Variants in PSD3 observed in about 807,000 individuals in gnomAD.
PSD3 encodes the protein PH and SEC7 domain-containing protein 3.
Under a neutral mutation model 105.5 loss-of-function variants are expected in PSD3, and 49 were observed. The ratio of observed to expected loss-of-function variants is 0.46; its 90% CI spans 0.37 to 0.59. PSD3 has a LOEUF of 0.59. Ranked by LOEUF, PSD3 falls within the 20% of genes least tolerant of loss-of-function variation. The pLI, the probability that PSD3 is intolerant of heterozygous loss-of-function variation, is 0.00. For missense variants in PSD3, 1,561 were observed against 1,263.8 expected (o/e 1.24, Z -3.57); for synonymous variants, 557 against 457.8 (o/e 1.22, Z -2.77).
intron 9 of PSD3, among the ~76,000 whole-genome samples, chr8:18,700,154 C>G (rs10503630): frequency 0.73 from 110,366 of 151,998 alleles, 42,550 homozygotes; most frequent in Non-Finnish European, 0.88. Context: ...TCTTTTGGGA[C>G]TGTTGTATTA....
chr8:18,634,054 G>T (rs1807083357), intron 10 of PSD3, among the ~76,000 whole-genome samples: 1 of 151,924 alleles, frequency 6.6e-6, no homozygotes, highest in Non-Finnish European at 1.5e-5. Flanking sequence ...TTGGCCATTT[G>T]TATATCTTCT....
intron 9 of PSD3, among the ~76,000 whole-genome samples, chr8:18,687,585 C>A (rs1331056093): frequency 6.6e-6 from 1 of 151,838 alleles, no homozygotes; most frequent in African/African-American, 2.4e-5. Flanking sequence ...CTTCCCGTAC[C>A]ATTTTCCTGT....
At chr8:19,006,760 A>T (rs1446468343) in intron 1 of PSD3, among the ~76,000 whole-genome samples, 2 of 152,082 alleles carry the variant, frequency 1.3e-5, no homozygotes, top group African/African-American at 4.8e-5. Context: ...ATCCTTGCCA[A>T]TACAGATGCT....
chr8:18,685,074 A>C (rs1278203953), intron 9 of PSD3, among the ~76,000 whole-genome samples: 1 of 152,168 alleles, frequency 6.6e-6, no homozygotes, highest in East Asian at 1.9e-4. Flanking sequence ...ACAAAACTTA[A>C]ACATTGTTTA....
rs535389954 is a variant in PSD3 at position 18,531,027 on chromosome 8, C to G, written c.*4716G>C. 2 of 152,140 alleles carry G rather than the reference C, an allele frequency of 1.3e-5. No individual in the cohort carries two copies. The highest frequency in any genetic ancestry group is 2.9e-5 in the Non-Finnish European group (2 of 68,022). 9.4% of individuals were successfully genotyped at this position (152,140 alleles called of 1,614,324 possible). A position where few individuals can be genotyped will look rare whatever the true frequency, so the allele number is the denominator to read the frequency against. On this transcript the variant is annotated 3_prime_UTR_variant, in exon 16 of 16. Transcript: ENST00000327040. ...GTACCATACACTGATATGCAATCTA[C>G]ACACTGATGCATTTACATACATACA...
intron 8 of PSD3, among the ~76,000 whole-genome samples, chr8:18,772,289 T>A (rs1443108591): frequency 6.6e-6 from 1 of 152,176 alleles, no homozygotes; most frequent in Non-Finnish European, 1.5e-5. Flanking sequence ...TATTTCTCAT[T>A]TTTTTGTGGA....
At chr8:18,929,690 T>C (rs975159300) in intron 2 of PSD3, among the ~76,000 whole-genome samples, 1 of 152,010 alleles carries the variant, frequency 6.6e-6, no homozygotes, top group Non-Finnish European at 1.5e-5. Context: ...TTCATGCATA[T>C]GAATGAAAAA....
At chr8:18,704,278 G>A (rs1268142445) in intron 9 of PSD3, among the ~76,000 whole-genome samples, 1 of 152,138 alleles carries the variant, frequency 6.6e-6, no homozygotes, top group Admixed American at 6.6e-5. Context: ...CTTTACTAGA[G>A]GACCAGTTCT....
At chr8:18,556,120 A>G (rs1178378363) in intron 15 of PSD3, 89 bp downstream of exon 15, 4 of 1,459,266 alleles carry the variant, frequency 2.7e-6, no homozygotes, top group African/African-American at 2.8e-5. Flanking sequence ...CGCCTCTCTC[A>G]GTGACACTGC....
At chr8:18,958,067 AATG>A (rs889776153) in intron 1 of PSD3, among the ~76,000 whole-genome samples, 31 of 152,326 alleles carry the variant, frequency 2.0e-4, no homozygotes, top group African/African-American at 5.8e-4. Flanking sequence ...AGGAAGGTAC[AATG>A]ATGTTCATTT....
At chr8:18,739,332 T>G (rs989048054) in intron 9 of PSD3, among the ~76,000 whole-genome samples, 4 of 152,088 alleles carry the variant, frequency 2.6e-5, no homozygotes, top group African/African-American at 9.7e-5. Context: ...TTCCCATACT[T>G]AATTATTAGT....
chr8:18,990,600 C>G (rs1336792447), intron 1 of PSD3, among the ~76,000 whole-genome samples: 2 of 152,206 alleles, frequency 1.3e-5, no homozygotes, highest in Non-Finnish European at 2.9e-5. Context: ...TGTGGTTTGG[C>G]TTAAACTGGC....
At chr8:18,733,009 G>C (rs1046586879) in intron 9 of PSD3, 2 of 152,144 alleles carry the variant, frequency 1.3e-5, no homozygotes, top group Non-Finnish European at 2.9e-5. Context: ...AAAGAAAGAA[G>C]AGAATGAAAC....
intron 4 of PSD3, 54 bp downstream of exon 4, chr8:18,867,620 A>C: frequency 2.0e-6 from 3 of 1,526,638 alleles, no homozygotes; most frequent in Non-Finnish European, 2.6e-6. Flanking sequence ...ATTTCCCAGA[A>C]AAGAAATCCT....
chr8:19,031,038 G>A (rs1827749509), intron 1 of PSD3, among the ~76,000 whole-genome samples: 1 of 152,048 alleles, frequency 6.6e-6, no homozygotes, highest in South Asian at 2.1e-4. Context: ...ATCTATGTGG[G>A]GCTATGCTAC....
At chr8:18,591,350 G>A (rs530568774) in intron 12 of PSD3, among the ~76,000 whole-genome samples, 1 of 152,260 alleles carries the variant, frequency 6.6e-6, no homozygotes, top group Non-Finnish European at 1.5e-5. Context: ...AATACTGAGG[G>A]AACTGCAATA....
rs367666632 is a variant in PSD3, at chr8:19,078,009, A to G, written c.324+6197T>C. Among the ~76,000 whole-genome samples the G allele has an allele frequency of 5.6e-4, 8 of 14,210 alleles. No homozygotes were observed. In the Admixed American group the frequency reaches 8.7e-3, roughly 16 times the overall value. 9.3% of individuals were successfully genotyped at this position (14,210 alleles called of 152,430 possible). On this transcript the variant is annotated intron_variant, in intron 1 of 1. Transcript: ENST00000521475. ...CTTTGTAAGTCTCATTGTATCCTATAGTCTATAAATCTACAAGGAAAAAAA... is the reference window on the plus strand; with the variant it reads ...CTTTGTAAGTCTCATTGTATCCTATGGTCTATAAATCTACAAGGAAAAAAA...
intron 2 of PSD3, among the ~76,000 whole-genome samples, chr8:18,915,396 G>T (rs1055191491): frequency 6.6e-6 from 1 of 152,072 alleles, no homozygotes; most frequent in African/African-American, 2.4e-5. Flanking sequence ...CAATTGTCAG[G>T]GTGAAAAGAC....
At chr8:18,845,135 T>C (rs1814980950) in intron 4 of PSD3, among the ~76,000 whole-genome samples, 1 of 152,228 alleles carries the variant, frequency 6.6e-6, no homozygotes, top group Admixed American at 6.5e-5. Flanking sequence ...TATTAGAATA[T>C]TGCTTTGAAA....
Sources: gnomAD v4.1 joint callset for allele counts (sites outside exome capture counted in the v4.1 genomes callset) on GRCh38, gnomAD v4.1.1 for gene constraint, MANE v1.5 for transcripts, NCBI Gene and HGNC (gene_info 2026-07-23, HGNC 2026-07-21) for gene names.